Variants in PSD3 observed in about 807,000 individuals in gnomAD.
PSD3 encodes the protein pleckstrin and Sec7 domain containing 3, also known as PH and SEC7 domain-containing protein 3.
Under a neutral mutation model 105.5 loss-of-function variants are expected in PSD3, and 49 were observed. That is an observed-to-expected ratio of 0.46 (90% CI 0.37 to 0.59). PSD3 has a LOEUF of 0.59. Among genes scored for constraint, PSD3 ranks in the 20% least tolerant of loss-of-function variants. PSD3 has a pLI of 0.00. For missense variants in PSD3, 1,561 were observed against 1,263.8 expected (o/e 1.24, Z -3.57); for synonymous variants, 557 against 457.8 (o/e 1.22, Z -2.77).
chr8:18,776,661 T>C (rs1354100021), intron 8 of PSD3, among the ~76,000 whole-genome samples: 1 of 152,076 alleles, frequency 6.6e-6, no homozygotes, highest in Non-Finnish European at 1.5e-5. Context: ...CAGGTGTGAG[T>C]CACCGCATCT....
At chr8:18,684,720 T>C (rs1251753561) in intron 9 of PSD3, among the ~76,000 whole-genome samples, 3 of 152,156 alleles carry the variant, frequency 2.0e-5, no homozygotes, top group African/African-American at 7.2e-5. Flanking sequence ...TTCTGTTACC[T>C]CTCTAGGAGA....
intron 1 of PSD3, among the ~76,000 whole-genome samples, chr8:18,989,600 C>A (rs1446607329): frequency 1.3e-5 from 2 of 152,316 alleles, no homozygotes; most frequent in African/African-American, 4.8e-5. Flanking sequence ...GGCAAATCTC[C>A]TTAGTTCTGA....
chr8:18,731,734 C>T (rs957632809), intron 9 of PSD3, among the ~76,000 whole-genome samples: 4 of 152,196 alleles, frequency 2.6e-5, no homozygotes, highest in African/African-American at 9.6e-5. Context: ...GGTTTCAGAT[C>T]CTTCCAGAAA....
chr8:18,919,712 A>T (rs1391378585), intron 2 of PSD3, among the ~76,000 whole-genome samples: 1 of 152,060 alleles, frequency 6.6e-6, no homozygotes, highest in African/African-American at 2.4e-5. Flanking sequence ...GACATGGATG[A>T]AATTGGAAAT....
intron 2 of PSD3, among the ~76,000 whole-genome samples, chr8:18,921,801 T>C (rs770950883): frequency 2.6e-5 from 4 of 152,100 alleles, no homozygotes; most frequent in East Asian, 1.9e-4. Flanking sequence ...ATAATATAAA[T>C]GAGTAAGGCA....
chr8:18,976,973 G>C (rs1373701565), intron 1 of PSD3, among the ~76,000 whole-genome samples: 1 of 152,162 alleles, frequency 6.6e-6, no homozygotes, highest in Admixed American at 6.5e-5. Flanking sequence ...AATAGAGAAA[G>C]ACTATTGTTT....
chr8:18,574,745 C>G (rs376394857), intron 13 of PSD3, among the ~76,000 whole-genome samples: 7 of 152,150 alleles, frequency 4.6e-5, no homozygotes, highest in Admixed American at 4.6e-4. Flanking sequence ...ACACTAGTGA[C>G]GAGCTGAGGT....
At chr8:19,071,495 C>T (rs1274098626) in intron 1 of PSD3, among the ~76,000 whole-genome samples, 1 of 152,008 alleles carries the variant, frequency 6.6e-6, no homozygotes, top group Non-Finnish European at 1.5e-5. Flanking sequence ...TAGAAATGTT[C>T]TGGGTAGAAG....
intron 9 of PSD3, among the ~76,000 whole-genome samples, chr8:18,703,523 T>C (rs528935440): frequency 6.6e-6 from 1 of 152,330 alleles, no homozygotes; most frequent in African/African-American, 2.4e-5. Context: ...CACAAACCTC[T>C]AGAAACGTAC....
intron 2 of PSD3, among the ~76,000 whole-genome samples, chr8:18,905,640 A>G (rs912433051): frequency 1.3e-5 from 2 of 152,078 alleles, no homozygotes; most frequent in Admixed American, 1.3e-4. Flanking sequence ...TATTCTGAAA[A>G]CATATATTGC....
chr8:18,702,594 A>C (rs917227100), intron 9 of PSD3, among the ~76,000 whole-genome samples: 2 of 151,662 alleles, frequency 1.3e-5, no homozygotes, highest in African/African-American at 4.9e-5. Context: ...TTTCTCTTCT[A>C]GCTATAGGTA....
intron 10 of PSD3, among the ~76,000 whole-genome samples, chr8:18,641,626 T>C (rs528703058): frequency 4.6e-5 from 7 of 152,180 alleles, no homozygotes; most frequent in African/African-American, 1.2e-4. Flanking sequence ...GTTACAAACA[T>C]TGGTGTAGCA....
intron 2 of PSD3, among the ~76,000 whole-genome samples, chr8:18,883,725 G>C (rs1172971814): frequency 3.9e-5 from 6 of 152,138 alleles, no homozygotes; most frequent in Admixed American, 3.9e-4. Flanking sequence ...TTTTAAAATA[G>C]AAATGTACGG....
At chr8:18,621,726 C>T (rs1257026288) in intron 11 of PSD3, among the ~76,000 whole-genome samples, 1 of 152,036 alleles carries the variant, frequency 6.6e-6, no homozygotes, top group East Asian at 1.9e-4. Context: ...AGAGAACAGC[C>T]AAGTGCCAAG....
chr8:18,617,266 C>T (rs151165950), intron 11 of PSD3, among the ~76,000 whole-genome samples: 257 of 152,154 alleles, frequency 1.7e-3, no homozygotes, highest in African/African-American at 6.1e-3. Flanking sequence ...CATGGTCGCT[C>T]ATACCTGTAA....
intron 9 of PSD3, among the ~76,000 whole-genome samples, chr8:18,665,472 G>C (rs539512812): frequency 1.3e-5 from 2 of 152,316 alleles, no homozygotes; most frequent in East Asian, 3.9e-4. Flanking sequence ...GGATTTGTAT[G>C]GATGAGCAAA....
intron 2 of PSD3, among the ~76,000 whole-genome samples, chr8:18,913,123 ACT>A (rs1447828077): frequency 2.4e-5 from 3 of 127,282 alleles, no homozygotes; most frequent in South Asian, 5.4e-4. Flanking sequence ...ACACACACAC[ACT>A]CTCCTTCTCC....
At chr8:18,798,671 A>G (rs1029240626) in intron 8 of PSD3, among the ~76,000 whole-genome samples, 1 of 150,436 alleles carries the variant, frequency 6.6e-6, no homozygotes, top group Non-Finnish European at 1.5e-5. Context: ...ACTTACTTAG[A>G]GCAAAAATTA....
intron 10 of PSD3, among the ~76,000 whole-genome samples, chr8:18,652,315 C>T (rs1232413367): frequency 1.3e-5 from 2 of 151,944 alleles, no homozygotes; most frequent in African/African-American, 2.4e-5. Context: ...ATTGCAATTG[C>T]TGAGGAGGAG....
Sources: gnomAD v4.1 joint callset for allele counts (sites outside exome capture counted in the v4.1 genomes callset) on GRCh38, gnomAD v4.1.1 for gene constraint, MANE v1.5 for transcripts, NCBI Gene and HGNC (gene_info 2026-07-23, HGNC 2026-07-21) for gene names.